Variants in ESR1 observed in about 807,000 individuals in gnomAD.
ESR1 encodes the protein estrogen receptor.
A neutral mutation model predicts 52.7 loss-of-function variants in ESR1; 12 were observed. That is an observed-to-expected ratio of 0.23 (90% CI 0.15 to 0.37). ESR1 has a LOEUF of 0.37. Ranked by LOEUF, ESR1 falls within the 10% of genes least tolerant of loss-of-function variation. The pLI is 1.00. For synonymous variants in ESR1, 305 were observed against 316.8 expected (o/e 0.96, Z 0.39); for missense variants, 584 against 779.7 (o/e 0.75, Z 2.99).
intron 2 of ESR1, among the ~76,000 whole-genome samples, chr6:151,863,372 G>T (rs927235399): frequency 1.3e-5 from 2 of 152,032 alleles, no homozygotes; most frequent in Non-Finnish European, 2.9e-5. Context: ...CCCTTGTAAG[G>T]TGGATTCCTA....
At chr6:152,047,764 A>G (rs1006043750) in intron 5 of ESR1, among the ~76,000 whole-genome samples, 1 of 152,070 alleles carries the variant, frequency 6.6e-6, no homozygotes, top group Middle Eastern at 3.2e-3. Flanking sequence ...AAAGTATAAG[A>G]GAAACACAAA....
intron 2 of ESR1, among the ~76,000 whole-genome samples, chr6:151,765,532 G>T (rs1426306402): frequency 2.0e-5 from 3 of 152,216 alleles, no homozygotes; most frequent in African/African-American, 7.2e-5. Flanking sequence ...CGTTAGCCAT[G>T]CTATTGCTAT....
At chr6:151,892,120 CTT>C (rs1794782850) in intron 3 of ESR1, among the ~76,000 whole-genome samples, 1 of 152,162 alleles carries the variant, frequency 6.6e-6, no homozygotes, top group South Asian at 2.1e-4. Context: ...AAACTTGACT[CTT>C]TACCTACTAC....
chr6:152,112,347 T>G (rs2051155487), intron 6 of ESR1, among the ~76,000 whole-genome samples: 1 of 152,200 alleles, frequency 6.6e-6, no homozygotes, highest in Non-Finnish European at 1.5e-5. Flanking sequence ...TAGATGCCCT[T>G]TCAAATTTCC....
At chr6:151,886,511 G>A (rs1462879541) in intron 3 of ESR1, among the ~76,000 whole-genome samples, 2 of 151,866 alleles carry the variant, frequency 1.3e-5, no homozygotes, top group East Asian at 3.9e-4. Flanking sequence ...AAAAATTAAC[G>A]GGATAATTTT....
chr6:151,924,501 CAG>C (rs2032327148), intron 3 of ESR1, among the ~76,000 whole-genome samples: 1 of 151,880 alleles, frequency 6.6e-6, no homozygotes, highest in Non-Finnish European at 1.5e-5. Context: ...ATTTGTGTCA[CAG>C]GGGTTTGGTG....
intron 2 of ESR1, among the ~76,000 whole-genome samples, chr6:151,870,121 A>G (rs1790690125): frequency 6.6e-6 from 1 of 152,232 alleles, no homozygotes; most frequent in Admixed American, 6.5e-5. Flanking sequence ...ATTTCCAAAC[A>G]TAATACTGCA....
chr6:151,850,817 C>T (rs1187125372), intron 2 of ESR1, among the ~76,000 whole-genome samples: 1 of 152,190 alleles, frequency 6.6e-6, no homozygotes, highest in Non-Finnish European at 1.5e-5. Context: ...GAGTCTATCT[C>T]CTTAAATGCA....
Position 152,098,396 on chromosome 6 carries a change from A to G in ESR1, c.1554-336A>G, listed in dbSNP as rs933484860. Among the ~76,000 whole-genome samples the G allele has an allele frequency of 2.3e-4, 35 of 151,966 alleles. No homozygotes were observed. The highest frequency in any genetic ancestry group is 8.0e-4 in the African/African-American group (33 of 41,370). ...TCCTATTTGAATGCATTTAGGTCCTATTGGAGGGGAATAGGATCTCATTTG... is the reference window on the plus strand; with the variant it reads ...TCCTATTTGAATGCATTTAGGTCCTGTTGGAGGGGAATAGGATCTCATTTG... On this transcript the variant is annotated intron_variant, in intron 7 of 7. Transcript: ENST00000206249. The surrounding 1 kb of genome is among the most constrained non-coding windows in gnomAD (Gnocchi z 5.1).
intron 4 of ESR1, among the ~76,000 whole-genome samples, chr6:151,973,145 A>G (rs992827619): frequency 1.2e-4 from 18 of 152,146 alleles, no homozygotes; most frequent in Non-Finnish European, 2.6e-4. Context: ...GCATCCTTCA[A>G]TCCAATCAAG....
intron 2 of ESR1, among the ~76,000 whole-genome samples, chr6:151,779,912 AAAAAAAAAGG>A (rs1328442994): frequency 7.7e-6 from 1 of 129,692 alleles, no homozygotes; most frequent in Non-Finnish European, 1.7e-5. Context: ...AAAAAAAAAA[AAAAAAAAAGG>A]AAATGTGGCA....
At chr6:151,797,341 CTAAACCAGCA>C (rs1776807093) in intron 2 of ESR1, among the ~76,000 whole-genome samples, 1 of 152,174 alleles carries the variant, frequency 6.6e-6, no homozygotes, top group Non-Finnish European at 1.5e-5. Flanking sequence ...TTTGAGAAAG[CTAAACCAGCA>C]TGCCAGAAGG....
At chr6:151,947,066 C>A (rs35515021) in intron 4 of ESR1, among the ~76,000 whole-genome samples, 4,978 of 152,146 alleles carry the variant, frequency 0.033, 106 homozygotes, top group Non-Finnish European at 0.053. Flanking sequence ...GCCTGTAATC[C>A]CAGCACTTTG....
At chr6:151,685,091 T>G (rs1778604521) in intron 1 of ESR1, among the ~76,000 whole-genome samples, 1 of 150,640 alleles carries the variant, frequency 6.6e-6, no homozygotes, top group Non-Finnish European at 1.5e-5. Context: ...ATATCATTTT[T>G]GTCTGACACT....
chr6:152,008,216 T>G (rs910880727), intron 4 of ESR1, among the ~76,000 whole-genome samples: 4 of 152,044 alleles, frequency 2.6e-5, no homozygotes, highest in Non-Finnish European at 4.4e-5. Flanking sequence ...GAAGGTTACT[T>G]GATAACCTTT....
chr6:152,024,755 T>C (rs923611715), intron 5 of ESR1, among the ~76,000 whole-genome samples: 3 of 148,200 alleles, frequency 2.0e-5, no homozygotes, highest in African/African-American at 7.3e-5. Context: ...TTTATATATG[T>C]ATTTATATGT....
intron 1 of ESR1, among the ~76,000 whole-genome samples, chr6:151,695,396 C>T (rs544699908): frequency 6.6e-5 from 10 of 152,170 alleles, no homozygotes; most frequent in Non-Finnish European, 1.3e-4. Context: ...AACAAGTTGA[C>T]AATCCTAGAG....
chr6:151,719,487 G>T (rs1258921561), intron 2 of ESR1, among the ~76,000 whole-genome samples: 1 of 152,166 alleles, frequency 6.6e-6, no homozygotes, highest in African/African-American at 2.4e-5. Context: ...TACGCCTTAA[G>T]GTGGGAGCAT....
intron 3 of ESR1, among the ~76,000 whole-genome samples, chr6:151,932,412 A>C (rs1358687569): frequency 8.2e-6 from 1 of 121,924 alleles, no homozygotes; most frequent in Non-Finnish European, 1.7e-5. Flanking sequence ...TTGCCTGTTC[A>C]CTCTGATGGT....
Sources: allele counts gnomAD v4.1 joint callset (sites outside exome capture counted in the v4.1 genomes callset), GRCh38; gene constraint gnomAD v4.1.1; non-coding constraint Gnocchi (gnomAD v3.1); transcripts MANE v1.5; gene names NCBI Gene and HGNC (gene_info 2026-07-23, HGNC 2026-07-21).